The following SLC2A11 variants were observed in gnomAD, a reference collection of about 807,000 sequenced individuals.
The protein encoded by SLC2A11 is solute carrier family 2 member 11.
Under a neutral mutation model 52.1 loss-of-function variants are expected in SLC2A11, and 43 were observed. The observed-to-expected ratio is 0.82, with a 90% confidence interval of 0.65 to 1.06. The LOEUF (loss-of-function observed/expected upper bound fraction) is 1.06. SLC2A11 is among the 50% of genes least tolerant of loss of function. SLC2A11 has a pLI of 0.00. For missense variants in SLC2A11, 582 were observed against 654.2 expected (o/e 0.89, Z 1.20); for synonymous variants, 261 against 277.6 (o/e 0.94, Z 0.59).
chr22:23,884,197 A>C lies in SLC2A11; in HGVS notation c.1172-105A>C, dbSNP rs532693181. ...GGAGGAGAGCACTGAGGGGCCCCCC[A>C]TACAGACTGGGCCTGGGCTCCCACT... is the stretch of plus-strand genomic sequence containing the variant. On this transcript the variant is annotated intron_variant, in intron 10 of 11. Transcript: ENST00000316185. The surrounding 1 kb of genome is among the most constrained non-coding windows in gnomAD (Gnocchi z 4.3). The C allele has an allele frequency of 6.7e-7, 1 of 1,502,056 alleles. No homozygotes were observed. Among genetic ancestry groups the C allele is most frequent in the Admixed American group, 2.3e-5 (1 of 43,516 alleles). The allele number at this position is 1,502,056 out of a possible 1,614,324, so 93.0% of individuals were successfully genotyped here.
At chr22:23,857,793 C>G, upstream of SLC2A11, 3 of 1,453,694 alleles carry the variant, frequency 2.1e-6, no homozygotes, top group South Asian at 1.4e-5. Context: ...TGCGGCCGCT[C>G]TCAATACCCA....
intron 3 of SLC2A11, among the ~76,000 whole-genome samples, chr22:23,874,510 G>C (rs548158107): frequency 1.3e-5 from 2 of 151,398 alleles, no homozygotes; most frequent in Non-Finnish European, 2.9e-5. Flanking sequence ...GGAGTGCAAT[G>C]GCGCAATCTT....
chr22:23,874,927 G>A (rs562307064), intron 3 of SLC2A11, among the ~76,000 whole-genome samples, 190 bp from the exon 4 acceptor site: 20 of 139,890 alleles, frequency 1.4e-4, no homozygotes, highest in Middle Eastern at 4.0e-3. Flanking sequence ...TACAACAGAC[G>A]TGTAAGTGTA....
At chr22:23,859,491 CA>C (rs1239486051) in intron 1 of SLC2A11, among the ~76,000 whole-genome samples, 5 of 68,642 alleles carry the variant, frequency 7.3e-5, no homozygotes, top group Admixed American at 3.3e-4. Flanking sequence ...AAACATTCAG[CA>C]TTTTTTTTTT....
At chr22:23,870,152 G>T (rs1375693975) in intron 3 of SLC2A11, 4 of 643,028 alleles carry the variant, frequency 6.2e-6, no homozygotes, top group Non-Finnish European at 1.1e-5. Context: ...TGGGGAGTAG[G>T]GGAACAGTCG....
upstream of SLC2A11, chr22:23,857,665 G>A (rs2031895990): frequency 2.7e-6 from 3 of 1,119,366 alleles, no homozygotes; most frequent in South Asian, 2.9e-5. Context: ...CTGAGTCCGC[G>A]CATGCGCCTC....
At chr22:23,876,902 G>A in intron 4 of SLC2A11, 140 bp from the exon 5 acceptor site, 2 of 1,336,628 alleles carry the variant, frequency 1.5e-6, no homozygotes, top group Non-Finnish European at 2.1e-6. Context: ...CTGAGTGTGG[G>A]GGGTGAGGGA....
intron 1 of SLC2A11, among the ~76,000 whole-genome samples, chr22:23,861,358 G>T (rs568004756): frequency 1.3e-5 from 2 of 151,698 alleles, no homozygotes; most frequent in Non-Finnish European, 2.9e-5. Flanking sequence ...AGGCATCAGG[G>T]ATGCCTTGGG....
At chr22:23,874,429 G>T (rs2032549287) in intron 3 of SLC2A11, among the ~76,000 whole-genome samples, 1 of 151,586 alleles carries the variant, frequency 6.6e-6, no homozygotes. Context: ...TGAAATTACA[G>T]GCGTGCGCCA....
In SLC2A11 at chr22:23,883,935, C is replaced by T. The variant is rs201325194; in HGVS notation, c.1096-14C>T. On this transcript the variant is annotated splice_polypyrimidine_tract_variant and intron_variant, in intron 9 of 11. Transcript: ENST00000316185. ...GGGCTGACTTCCACCTCACCCCCGCCCCGTCCACGGCAGAGCTCCTTCCCC... is the reference window on the plus strand; with the variant it reads ...GGGCTGACTTCCACCTCACCCCCGCTCCGTCCACGGCAGAGCTCCTTCCCC... 31 of 1,612,242 alleles carry T rather than the reference C, an allele frequency of 1.9e-5. No individual in the cohort carries two copies. In the African/African-American group the frequency reaches 3.5e-4, roughly 18 times the overall value.
At position 23,858,048 on chromosome 22, in the gene SLC2A11, G is replaced by T. The variant is rs1348022454; in HGVS notation, c.30+19G>T. 1 of 1,554,694 alleles carries T rather than the reference G, an allele frequency of 6.4e-7. No homozygotes were observed. The highest frequency in any genetic ancestry group is 2.4e-5 in the East Asian group (1 of 41,064). ...TAGAATGGTATGAATTCTCATACTT[G>T]CCCAGACCAGGCGTTTCAGATGAGG... On this transcript the variant is annotated intron_variant, in intron 1 of 11. Transcript: ENST00000316185.
At chr22:23,857,066 G>GTT, upstream of SLC2A11, 1 of 1,083,780 alleles carries the variant, frequency 9.2e-7, no homozygotes, top group African/African-American at 2.2e-5. Context: ...ACCAAAGTGT[G>GTT]TGTGTGTGGG....
chr22:23,868,197 T>C (rs896862681), intron 2 of SLC2A11: 2 of 483,314 alleles, frequency 4.1e-6, no homozygotes, highest in Admixed American at 3.4e-5. Flanking sequence ...TCAGGAGTAT[T>C]GTGTGAGTAG....
chr22:23,857,476 T>C, upstream of SLC2A11: 1 of 1,613,826 alleles, frequency 6.2e-7, no homozygotes, highest in Non-Finnish European at 8.5e-7. Flanking sequence ...GCCTCAGTGC[T>C]GCGGCAGAGG....
intron 2 of SLC2A11, chr22:23,867,500 G>A (rs560943920): frequency 2.8e-5 from 9 of 324,152 alleles, no homozygotes; most frequent in South Asian, 5.0e-5. Context: ...GCCTGGCCAC[G>A]GAATTTCTTG....
In SLC2A11 at chr22:23,885,061, C is replaced by T. The variant is rs1303415651; in HGVS notation, c.*212C>T. 1.4e-5 allele frequency: 8 copies of T among 568,862 alleles called. No individual in the cohort carries two copies. The highest frequency in any genetic ancestry group is 9.5e-5 in the African/African-American group (5 of 52,752). 35.2% of individuals were successfully genotyped at this position (568,862 alleles called of 1,614,324 possible). Reference sequence around the variant, plus strand: ...TTAACTGACAGAAAATCAGTAACAACATAATTACAGGCTGGTTGTGGCAGC... The same window carrying T: ...TTAACTGACAGAAAATCAGTAACAATATAATTACAGGCTGGTTGTGGCAGC... On this transcript the variant is annotated 3_prime_UTR_variant, in exon 12 of 12. Transcript: ENST00000316185.
chr22:23,857,780 T>G (rs971315787), upstream of SLC2A11: 4 of 1,431,486 alleles, frequency 2.8e-6, no homozygotes, highest in African/African-American at 2.9e-5. Context: ...AACCCTCAGC[T>G]GGTGCGGCCG....
At chr22:23,858,115 G>A (rs2031922847) in intron 1 of SLC2A11, 86 bp downstream of exon 1, 2 of 1,521,284 alleles carry the variant, frequency 1.3e-6, no homozygotes, top group Admixed American at 2.0e-5. Context: ...AGCCACCTGG[G>A]AGGCTTAACT....
intron 3 of SLC2A11, chr22:23,870,320 T>C: frequency 2.3e-6 from 1 of 431,928 alleles, no homozygotes; most frequent in Non-Finnish European, 4.1e-6. Flanking sequence ...AAATGTCTGT[T>C]CCCCTCCCCA....
Sources: allele counts gnomAD v4.1 joint callset (sites outside exome capture counted in the v4.1 genomes callset), GRCh38; gene constraint gnomAD v4.1.1; non-coding constraint Gnocchi (gnomAD v3.1); transcripts MANE v1.5; gene names NCBI Gene and HGNC (gene_info 2026-07-23, HGNC 2026-07-21).